The following LAMA2 variants were observed in gnomAD, a reference collection of about 807,000 sequenced individuals.
The protein encoded by LAMA2 is laminin subunit alpha 2.
In LAMA2, 269 loss-of-function variants were observed where a neutral mutation model predicts 364.8. The observed-to-expected ratio is 0.74, with a 90% confidence interval of 0.67 to 0.82. LAMA2 has a LOEUF of 0.82. Ranked by LOEUF, LAMA2 falls within the 40% of genes least tolerant of loss-of-function variation. The pLI, the probability that LAMA2 is intolerant of heterozygous loss-of-function variation, is 0.00. For synonymous variants in LAMA2, 1,379 were observed against 1,370.6 expected, an observed-to-expected ratio of 1.01 and a Z score of -0.14; for missense variants, 3,807 against 3,873.2, an observed-to-expected ratio of 0.98 and a Z score of 0.45.
intron 3 of LAMA2, among the ~76,000 whole-genome samples, chr6:129,073,525 C>T (rs574750450): frequency 1.4e-4 from 21 of 152,054 alleles, no homozygotes; most frequent in Non-Finnish European, 2.5e-4. Context: ...GACCGTTTGC[C>T]GTGCTCATTA....
chr6:129,215,147 G>T (rs965434283), intron 12 of LAMA2, among the ~76,000 whole-genome samples: 1 of 152,142 alleles, frequency 6.6e-6, no homozygotes, highest in African/African-American at 2.4e-5. Context: ...AAGTGACTTA[G>T]AAATTGGCTT....
At chr6:129,172,893 C>G (rs566249607) in intron 9 of LAMA2, among the ~76,000 whole-genome samples, 2 of 152,234 alleles carry the variant, frequency 1.3e-5, no homozygotes, top group Non-Finnish European at 2.9e-5. Context: ...TTTTTAAGCC[C>G]GTCGGAAAAG....
intron 51 of LAMA2, among the ~76,000 whole-genome samples, chr6:129,468,627 C>A (rs1583822818): frequency 1.3e-5 from 2 of 151,988 alleles, no homozygotes; most frequent in African/African-American, 4.8e-5. Context: ...AGCATATGGT[C>A]ATTGACTTGC....
At chr6:129,350,942 C>G (rs113409952) in intron 31 of LAMA2, among the ~76,000 whole-genome samples, 5 of 152,168 alleles carry the variant, frequency 3.3e-5, no homozygotes, top group Non-Finnish European at 5.9e-5. Flanking sequence ...TCCATACCAA[C>G]AGAAATTAGC....
chr6:129,455,276 C>A (rs1341754061), intron 47 of LAMA2, among the ~76,000 whole-genome samples: 2 of 151,728 alleles, frequency 1.3e-5, no homozygotes, highest in East Asian at 3.9e-4. Flanking sequence ...AAATGAGAAG[C>A]AATATTTTTA....
chr6:129,077,714 C>T (rs1175337127), intron 3 of LAMA2, among the ~76,000 whole-genome samples: 1 of 152,218 alleles, frequency 6.6e-6, no homozygotes, highest in African/African-American at 2.4e-5. Context: ...CTTCCAAATT[C>T]TTCACTGAAA....
chr6:129,119,441 T>C (rs1437864483), intron 4 of LAMA2, among the ~76,000 whole-genome samples: 1 of 152,124 alleles, frequency 6.6e-6, no homozygotes, highest in African/African-American at 2.4e-5. Context: ...TGTACAAGTA[T>C]GTTTATACTC....
At chr6:129,345,229 T>G (rs972455514) in intron 30 of LAMA2, among the ~76,000 whole-genome samples, 12 of 152,158 alleles carry the variant, frequency 7.9e-5, no homozygotes, top group African/African-American at 2.9e-4. Context: ...CCTGGTGTTG[T>G]TAGAGGTCAA....
At chr6:129,276,665 G>C (rs1425107899) in intron 17 of LAMA2, among the ~76,000 whole-genome samples, 2 of 151,954 alleles carry the variant, frequency 1.3e-5, no homozygotes, top group African/African-American at 4.8e-5. Context: ...CCTGTTGATT[G>C]TTCCCTTTTG....
rs190700165 is a variant in LAMA2, at chr6:129,232,120, T to G, written c.1783-17992T>G. Among the ~76,000 whole-genome samples, 218 of 152,282 alleles carry G rather than the reference T, an allele frequency of 1.4e-3. 1 individual carries two copies. The highest frequency in any genetic ancestry group is 2.0e-3 in the Non-Finnish European group (138 of 68,000). On this transcript the variant is annotated intron_variant, in intron 12 of 64. Transcript: ENST00000421865. ...CTGTCTATTTAAAGAAGACATTTTC[T>G]TGTTTGGCAGAATATTATCATCATA...
At chr6:129,318,169 C>G (rs2114507940) in intron 27 of LAMA2, among the ~76,000 whole-genome samples, 1 of 152,152 alleles carries the variant, frequency 6.6e-6, no homozygotes, top group Admixed American at 6.5e-5. Flanking sequence ...AACCTTGTAT[C>G]TTTATTTATT....
chr6:129,197,778 A>G (rs1416471904), intron 12 of LAMA2, among the ~76,000 whole-genome samples: 1 of 152,218 alleles, frequency 6.6e-6, no homozygotes, highest in South Asian at 2.1e-4. Flanking sequence ...TCAAGGACTC[A>G]TTTATTTCCC....
At chr6:129,399,476 T>G (rs1267407019) in intron 37 of LAMA2, among the ~76,000 whole-genome samples, 4 of 152,228 alleles carry the variant, frequency 2.6e-5, no homozygotes, top group Admixed American at 1.3e-4. Flanking sequence ...AGGGAGGGAC[T>G]AAACATTTTG....
chr6:128,995,407 C>A (rs565664600), intron 1 of LAMA2, among the ~76,000 whole-genome samples: 2 of 152,294 alleles, frequency 1.3e-5, no homozygotes, highest in South Asian at 4.1e-4. Context: ...CTGCAACCTC[C>A]ACCTCCTGGG....
chr6:129,498,829 G>A (rs376771572), intron 58 of LAMA2, among the ~76,000 whole-genome samples: 2 of 152,122 alleles, frequency 1.3e-5, no homozygotes, highest in Non-Finnish European at 2.9e-5. Context: ...CGAATCATAC[G>A]CACTCCTGAA....
intron 18 of LAMA2, among the ~76,000 whole-genome samples, chr6:129,281,155 A>G (rs2114394396): frequency 6.6e-6 from 1 of 152,306 alleles, no homozygotes; most frequent in Non-Finnish European, 1.5e-5. Flanking sequence ...AATGAAAGAA[A>G]AAAAAATGAA....
chr6:129,464,205 A>T, intron 49 of LAMA2, 85 bp from the exon 50 acceptor site: 1 of 1,165,386 alleles, frequency 8.6e-7, no homozygotes, highest in Non-Finnish European at 1.3e-6. Context: ...AACAGCCTAT[A>T]GTCTCATTGC....
intron 7 of LAMA2, among the ~76,000 whole-genome samples, chr6:129,149,786 C>T (rs1778687821): frequency 6.6e-6 from 1 of 151,980 alleles, no homozygotes; most frequent in African/African-American, 2.4e-5. Flanking sequence ...TTGTAAAGAC[C>T]TTTTTCTTAT....
intron 14 of LAMA2, among the ~76,000 whole-genome samples, chr6:129,257,409 T>C (rs3778122): frequency 0.18 from 26,714 of 152,024 alleles, 2,631 homozygotes; most frequent in African/African-American, 0.26. Context: ...AGGAGAGGAA[T>C]GTCTGTTGTT....
Sources: gnomAD v4.1 joint callset for allele counts (sites outside exome capture counted in the v4.1 genomes callset) on GRCh38, gnomAD v4.1.1 for gene constraint, MANE v1.5 for transcripts, NCBI Gene and HGNC (gene_info 2026-07-23, HGNC 2026-07-21) for gene names.